CIMAP2: variants seen among roughly 807,000 people sequenced by gnomAD.
CIMAP2 encodes the protein ciliary microtubule associated protein 2.
chr1:54,806,154 G>A, the CIMAP2 span: 1 of 1,550,218 alleles, frequency 6.5e-7, no homozygotes, highest in Admixed American at 1.9e-5. Context: ...GCTCATGGCT[G>A]GAACCGCGTC....
chr1:54,807,904 C>T, the CIMAP2 span: 30 of 1,593,020 alleles, frequency 1.9e-5, no homozygotes, highest in Non-Finnish European at 2.6e-5. Context: ...AAAGCTGGGC[C>T]CCGGCTCCTA....
At chr1:54,811,773 G>GGGGGGGCCCCCCCCCCC in the CIMAP2 span, 1 of 1,325,052 alleles carries the variant, frequency 7.5e-7, no homozygotes, top group Non-Finnish European at 1.0e-6. Context: ...CAGCCTCCAT[G>GGGGGGGCCCCCCCCCCC]CCCCCACCCC....
At chr1:54,837,946 T>G in the CIMAP2 span, among the ~76,000 whole-genome samples, 1 of 152,090 alleles carries the variant, frequency 6.6e-6, no homozygotes, top group East Asian at 1.9e-4. Context: ...AGGCTATGGC[T>G]GTTTTTCCAA....
the CIMAP2 span, chr1:54,811,685 A>C: frequency 7.7e-7 from 1 of 1,306,012 alleles, no homozygotes; most frequent in Non-Finnish European, 1.1e-6. Context: ...GACACCCTGA[A>C]AATCCCATTC....
the CIMAP2 span, chr1:54,815,163 C>T: frequency 2.9e-6 from 4 of 1,398,232 alleles, no homozygotes; most frequent in Non-Finnish European, 3.9e-6. Context: ...CTTTCTTTTC[C>T]CCAAGGGACC....
At chr1:54,836,057 A>G in the CIMAP2 span, among the ~76,000 whole-genome samples, 1 of 152,114 alleles carries the variant, frequency 6.6e-6, no homozygotes, top group East Asian at 1.9e-4. Flanking sequence ...AGAGGGACTC[A>G]GGAAGCTCAG....
At chr1:54,817,250 A>T in the CIMAP2 span, 2 of 1,289,170 alleles carry the variant, frequency 1.6e-6, no homozygotes, top group Non-Finnish European at 2.1e-6. Flanking sequence ...CCAGCCAAAC[A>T]GCAGAGGCAG....
the CIMAP2 span, chr1:54,812,046 G>A: frequency 2.5e-6 from 4 of 1,614,170 alleles, no homozygotes; most frequent in South Asian, 2.2e-5. Context: ...TGTGCTCTAG[G>A]GGAGTGGTCT....
At chr1:54,816,940 G>A in the CIMAP2 span, 1 of 1,609,436 alleles carries the variant, frequency 6.2e-7, no homozygotes, top group Non-Finnish European at 8.5e-7. Context: ...CCGAGACACA[G>A]TCTCCAAGCC....
At chr1:54,807,646 C>T in the CIMAP2 span, 3 of 1,610,638 alleles carry the variant, frequency 1.9e-6, no homozygotes, top group Non-Finnish European at 2.5e-6. Context: ...GACCCAGCTA[C>T]CCCACTTCCA....
the CIMAP2 span, chr1:54,807,641 A>C: frequency 6.2e-7 from 1 of 1,611,010 alleles, no homozygotes; most frequent in Non-Finnish European, 8.5e-7. Context: ...CGGCTGACCC[A>C]GCTACCCCAC....
the CIMAP2 span, among the ~76,000 whole-genome samples, chr1:54,835,381 G>A: frequency 1.3e-5 from 2 of 151,418 alleles, no homozygotes; most frequent in African/African-American, 4.9e-5. Flanking sequence ...TTGTACAGGA[G>A]GTTTCACCAT....
At chr1:54,835,815 G>C in the CIMAP2 span, among the ~76,000 whole-genome samples, 12 of 151,740 alleles carry the variant, frequency 7.9e-5, no homozygotes, top group African/African-American at 2.9e-4. Flanking sequence ...AAGGCAGGTC[G>C]GGCCCAGGAC....
chr1:54,838,770 G>A, the CIMAP2 span, among the ~76,000 whole-genome samples: 1 of 152,148 alleles, frequency 6.6e-6, no homozygotes, highest in South Asian at 2.1e-4. Flanking sequence ...CCGGCCTTCA[G>A]TGGTGTAGCC....
At chr1:54,830,063 G>A in the CIMAP2 span, among the ~76,000 whole-genome samples, 1 of 152,052 alleles carries the variant, frequency 6.6e-6, no homozygotes, top group South Asian at 2.1e-4. The surrounding 1 kb of genome is among the most constrained non-coding windows in gnomAD (Gnocchi z 4.1). Context: ...TTTTCACTGG[G>A]TGAACTCCCA....
chr1:54,835,678 C>T, the CIMAP2 span, among the ~76,000 whole-genome samples: 7 of 152,100 alleles, frequency 4.6e-5, no homozygotes, highest in Non-Finnish European at 1.0e-4. Flanking sequence ...GTGCCAGGCA[C>T]CTTGCTGGTT....
At chr1:54,818,419 C>T in the CIMAP2 span, among the ~76,000 whole-genome samples, 1 of 150,592 alleles carries the variant, frequency 6.6e-6, no homozygotes. Flanking sequence ...TCCATCTTAC[C>T]TTTCTGTTCT....
At chr1:54,819,982 C>T in the CIMAP2 span, among the ~76,000 whole-genome samples, 20,646 of 114,978 alleles carry the variant, frequency 0.18, 2,430 homozygotes, top group African/African-American at 0.31. Context: ...TTCTTTTTCT[C>T]TCTTTCTTCT....
the CIMAP2 span, among the ~76,000 whole-genome samples, chr1:54,808,837 G>A: frequency 6.6e-6 from 1 of 152,054 alleles, no homozygotes; most frequent in Non-Finnish European, 1.5e-5. Flanking sequence ...AGCCAGCACA[G>A]CAGTTTGTTG....
Sources: allele counts gnomAD v4.1 joint callset (sites outside exome capture counted in the v4.1 genomes callset), GRCh38; gene constraint gnomAD v4.1.1; non-coding constraint Gnocchi (gnomAD v3.1); transcripts MANE v1.5; gene names NCBI Gene and HGNC (gene_info 2026-07-23, HGNC 2026-07-21).